Variants in EBF2 observed in about 807,000 individuals in gnomAD.
EBF2 encodes the protein transcription factor COE2.
Under a neutral mutation model 72.8 loss-of-function variants are expected in EBF2, and 21 were observed. The observed-to-expected ratio is 0.29, with a 90% CI of 0.20 to 0.42. The LOEUF (loss-of-function observed/expected upper bound fraction) is 0.42. Ranked by LOEUF, EBF2 falls within the 10% of genes least tolerant of loss-of-function variation. The probability of loss-of-function intolerance (pLI) is 1.00; values close to 1 mark genes in which losing one functional copy is unlikely to be tolerated. For synonymous variants in EBF2, 299 were observed against 274.2 expected (o/e 1.09, Z -0.89); for missense variants, 637 against 731.2 (o/e 0.87, Z 1.49).
intron 14 of EBF2, among the ~76,000 whole-genome samples, chr8:25,854,323 C>T (rs929243856): frequency 1.3e-5 from 2 of 151,364 alleles, no homozygotes; most frequent in African/African-American, 4.9e-5. Flanking sequence ...TGAAAGCAAA[C>T]ACCACTCCTC....
intron 6 of EBF2, among the ~76,000 whole-genome samples, chr8:25,917,845 G>A (rs1172113527): frequency 2.6e-5 from 4 of 152,024 alleles, no homozygotes; most frequent in Admixed American, 1.3e-4. Context: ...AGAGCCCTTT[G>A]CTGCTGCCTG....
intron 6 of EBF2, among the ~76,000 whole-genome samples, chr8:25,956,855 C>A (rs1290139173): frequency 6.6e-6 from 1 of 152,200 alleles, no homozygotes; most frequent in Non-Finnish European, 1.5e-5. Flanking sequence ...ACAATCAGAA[C>A]TGAAGGTAAT....
chr8:25,861,858 A>G (rs1802218657), intron 11 of EBF2, among the ~76,000 whole-genome samples: 2 of 152,196 alleles, frequency 1.3e-5, no homozygotes, highest in South Asian at 4.1e-4. Context: ...TCTTTCAATA[A>G]TATTTCCCCC....
intron 6 of EBF2, among the ~76,000 whole-genome samples, chr8:26,010,822 C>CT (rs1804969220): frequency 6.6e-6 from 1 of 152,194 alleles, no homozygotes; most frequent in Non-Finnish European, 1.5e-5. Context: ...AAGAGCGGCT[C>CT]TTTCTGTCCT....
At chr8:25,910,551 A>T (rs1425726561) in intron 6 of EBF2, among the ~76,000 whole-genome samples, 1 of 152,202 alleles carries the variant, frequency 6.6e-6, no homozygotes, top group Admixed American at 6.5e-5. Context: ...ATGTTCATGA[A>T]GGCATTATTA....
rs1000169860 is a variant in EBF2, at chr8:26,040,622, G to T, written c.402C>A (p.Thr134=). 6 of 1,552,848 alleles carry T rather than the reference G, an allele frequency of 3.9e-6. No homozygotes were observed. Among genetic ancestry groups the T allele is most frequent in the Non-Finnish European group, 5.2e-6 (6 of 1,147,852 alleles). ...DLYVRLIDSV[T]KQPIAYEGQN... is the part of the protein sequence containing the mutation. ...CAAGTGGCCTCCGGCTCACCTGCTTGGTGACCGAGTCGATGAGCCTGACAT... is the reference window on the plus strand; with the variant it reads ...CAAGTGGCCTCCGGCTCACCTGCTTTGTGACCGAGTCGATGAGCCTGACAT... The change falls in exon 4 of 16, where the codon ACC becomes ACA. Residue 134 remains threonine (T), a synonymous_variant. Coordinates refer to ENST00000520164, the MANE Select transcript of EBF2 (RefSeq NM_022659.4).
chr8:26,030,589 A>G (rs1353140388), intron 6 of EBF2, among the ~76,000 whole-genome samples: 1 of 152,160 alleles, frequency 6.6e-6, no homozygotes, highest in South Asian at 2.1e-4. Context: ...AAAGCCCTAC[A>G]ATAAGCAAGC....
intron 1 of EBF2, among the ~76,000 whole-genome samples, chr8:26,042,795 T>C (rs1444356915): frequency 1.3e-5 from 2 of 152,098 alleles, no homozygotes; most frequent in Non-Finnish European, 2.9e-5. Flanking sequence ...CTGGGAAAGG[T>C]AGTGGGTAAG....
chr8:25,952,298 C>G lies in EBF2; in HGVS notation c.552-43743G>C, dbSNP rs1411528255. 2.0e-5 allele frequency among the ~76,000 whole-genome samples: 3 copies of G among 152,154 alleles called. No homozygotes were observed. The East Asian group carries it at 5.8e-4, about 29-fold the overall frequency. Reference sequence around the variant, plus strand: ...TAACAGAGCAAGACTCTAGTATGTTCACATGCCTGTTGGCCTACTGTAATT... The same window carrying G: ...TAACAGAGCAAGACTCTAGTATGTTGACATGCCTGTTGGCCTACTGTAATT... On this transcript the variant is annotated intron_variant, in intron 6 of 15. Transcript: ENST00000520164.
At chr8:26,000,518 T>C (rs762469463) in intron 6 of EBF2, among the ~76,000 whole-genome samples, 2 of 152,114 alleles carry the variant, frequency 1.3e-5, no homozygotes, top group Non-Finnish European at 2.9e-5. Context: ...ATAAATAAAC[T>C]CACTATTCAT....
intron 6 of EBF2, among the ~76,000 whole-genome samples, chr8:25,991,453 C>G (rs1340387775): frequency 2.0e-5 from 3 of 152,164 alleles, no homozygotes; most frequent in Non-Finnish European, 4.4e-5. Flanking sequence ...TTTCTTCCCA[C>G]CACAATCCTG....
intron 10 of EBF2, among the ~76,000 whole-genome samples, chr8:25,876,250 T>C (rs116852073): frequency 6.6e-6 from 1 of 151,998 alleles, no homozygotes; most frequent in Non-Finnish European, 1.5e-5. Context: ...CAACACACAC[T>C]GTCGGTGGGT....
At chr8:25,854,906 T>A (rs1185018358) in intron 14 of EBF2, among the ~76,000 whole-genome samples, 1 of 152,218 alleles carries the variant, frequency 6.6e-6, no homozygotes, top group Non-Finnish European at 1.5e-5. Flanking sequence ...GTTGGCTTCC[T>A]GCCTGTATGG....
rs553719357 is a variant in EBF2 at position 25,887,298 on chromosome 8, T to C, written c.883-417A>G. 2.6e-5 allele frequency among the ~76,000 whole-genome samples: 4 copies of C among 152,270 alleles called. No homozygotes were observed. The East Asian group carries it at 7.7e-4, about 29-fold the overall frequency. On this transcript the variant is annotated intron_variant, in intron 9 of 15. Transcript: ENST00000520164. ...TTCCTCTGCTGAACTCCTATCCTGC[T>C]TGTGATTTCAAATATTGATCTGGCA... is the stretch of plus-strand genomic sequence containing the variant.
rs939122182 is a variant in EBF2, at chr8:26,044,313, G to T, written c.131+416C>A. 6.6e-6 allele frequency among the ~76,000 whole-genome samples: 1 copy of T among 152,232 alleles called. No homozygotes were observed. The highest frequency in any genetic ancestry group is 1.5e-5 in the Non-Finnish European group (1 of 68,042). On this transcript the variant is annotated intron_variant, in intron 1 of 15. Coordinates refer to ENST00000520164, the MANE Select transcript of EBF2 (RefSeq NM_022659.4). This position sits in a 1 kb window ranked among gnomAD's most constrained non-coding sequence, Gnocchi z 4.1. ...CGGGAGGTAGGCGCTCGCAGGCGGC[G>T]TGGCGAAGCCAAGAGTGGCCAGGAA...
chr8:26,024,688 A>C (rs942195388), intron 6 of EBF2, among the ~76,000 whole-genome samples: 5 of 152,204 alleles, frequency 3.3e-5, no homozygotes, highest in African/African-American at 1.2e-4. Context: ...GTGAATTAAT[A>C]TCTATGGAGT....
chr8:25,847,964 C>T (rs2117243851), intron 15 of EBF2, among the ~76,000 whole-genome samples: 1 of 152,140 alleles, frequency 6.6e-6, no homozygotes, highest in East Asian at 1.9e-4. Context: ...CTCAAATCAC[C>T]ACTAGAGAAC....
At chr8:25,940,633 T>A (rs201372416) in intron 6 of EBF2, among the ~76,000 whole-genome samples, 3,008 of 138,030 alleles carry the variant, frequency 0.022, 77 homozygotes, top group African/African-American at 0.066. Context: ...AAAAAAAAAA[T>A]AAAAAAAAAA....
At chr8:25,862,836 G>T in intron 10 of EBF2, 39 bp from the exon 11 acceptor site, 2 of 1,482,330 alleles carry the variant, frequency 1.3e-6, no homozygotes, top group Non-Finnish European at 1.8e-6. Context: ...TGGTATCCTG[G>T]CTATAAAGCA....
Sources: gnomAD v4.1 joint callset for allele counts (sites outside exome capture counted in the v4.1 genomes callset) on GRCh38, gnomAD v4.1.1 for gene constraint, Gnocchi (gnomAD v3.1) non-coding constraint, MANE v1.5 for transcripts, NCBI Gene and HGNC (gene_info 2026-07-23, HGNC 2026-07-21) for gene names.